Variants in MEI4 observed in about 807,000 individuals in gnomAD.
MEI4 encodes the protein meiosis-specific protein MEI4.
MEI4 carries 27 observed loss-of-function variants against 31.4 expected under a neutral mutation model. The ratio of observed to expected loss-of-function variants is 0.86; its 90% CI spans 0.63 to 1.19. The LOEUF is 1.19. Ranked by LOEUF, MEI4 falls within the 50% of genes most tolerant of loss-of-function variation. The pLI is 0.00. For missense variants in MEI4, 329 were observed against 398.9 expected (o/e 0.82, Z 1.49); for synonymous variants, 122 against 145.4 (o/e 0.84, Z 1.16).
At chr6:77,894,396 A>T (rs188477714) in intron 4 of MEI4, among the ~76,000 whole-genome samples, 1,520 of 150,860 alleles carry the variant, frequency 0.01, 23 homozygotes, top group African/African-American at 0.034. Flanking sequence ...TTTTTTTTTA[A>T]AAAAAAGAAA....
chr6:77,802,853 A>T (rs931202039), intron 3 of MEI4, among the ~76,000 whole-genome samples: 14 of 152,206 alleles, frequency 9.2e-5, no homozygotes, highest in Non-Finnish European at 1.8e-4. Context: ...TGTTAGTCTG[A>T]TGGGCTTCCT....
intron 4 of MEI4, among the ~76,000 whole-genome samples, chr6:77,919,446 C>A (rs1378272600): frequency 6.6e-6 from 1 of 151,904 alleles, no homozygotes; most frequent in South Asian, 2.1e-4. Context: ...TTCTTTGAAA[C>A]CAACGAGAAC....
chr6:77,789,638 A>T (rs1030682785), intron 3 of MEI4, among the ~76,000 whole-genome samples: 1 of 152,226 alleles, frequency 6.6e-6, no homozygotes, highest in Non-Finnish European at 1.5e-5. Context: ...TATGCAGCCA[A>T]AAGGCACATG....
intron 2 of MEI4, among the ~76,000 whole-genome samples, chr6:77,746,019 G>A (rs1767591646): frequency 1.3e-5 from 2 of 152,016 alleles, no homozygotes; most frequent in African/African-American, 4.8e-5. Flanking sequence ...GAGAAAGCAG[G>A]AAAGATCCAA....
intron 4 of MEI4, among the ~76,000 whole-genome samples, chr6:77,875,971 G>A (rs535260314): frequency 6.6e-6 from 1 of 152,096 alleles, no homozygotes; most frequent in African/African-American, 2.4e-5. Flanking sequence ...GGAATGTGAT[G>A]ATATAAATCA....
intron 4 of MEI4, among the ~76,000 whole-genome samples, chr6:77,909,567 T>C (rs1435476666): frequency 6.6e-6 from 1 of 152,132 alleles, no homozygotes; most frequent in East Asian, 1.9e-4. Context: ...CAATATTTAA[T>C]AGCTTACCAA....
At chr6:77,707,934 G>C (rs938271620) in intron 2 of MEI4, among the ~76,000 whole-genome samples, 1 of 152,234 alleles carries the variant, frequency 6.6e-6, no homozygotes, top group African/African-American at 2.4e-5. Flanking sequence ...CAAAGGATGT[G>C]TAGGAAAGCT....
At chr6:77,737,751 T>G (rs1172784742) in intron 2 of MEI4, among the ~76,000 whole-genome samples, 1 of 151,828 alleles carries the variant, frequency 6.6e-6, no homozygotes, top group Non-Finnish European at 1.5e-5. Flanking sequence ...AAGGGAGAGA[T>G]AGGATCAATA....
At chr6:77,905,045 A>T (rs1766262962) in intron 4 of MEI4, among the ~76,000 whole-genome samples, 1 of 152,074 alleles carries the variant, frequency 6.6e-6, no homozygotes, top group Admixed American at 6.6e-5. Context: ...TCTTACCTTA[A>T]ATAACTCCTT....
rs147023951 is a variant in MEI4 at position 77,703,983 on chromosome 6, A to G, written c.232+13080A>G. Among the ~76,000 whole-genome samples, 5 of 152,248 alleles carry G rather than the reference A, an allele frequency of 3.3e-5. No homozygotes were observed. The East Asian group carries it at 9.7e-4, about 29-fold the overall frequency. On this transcript the variant is annotated intron_variant, in intron 2 of 4. Coordinates refer to ENST00000684080, the MANE Select transcript of MEI4 (RefSeq NM_001322247.2). Reference sequence around the variant, plus strand: ...GGAAGGACAGCATGCTGGTACTTTGAGAAGGAACCAGCAGAGAGAGAAAAG... The same window carrying G: ...GGAAGGACAGCATGCTGGTACTTTGGGAAGGAACCAGCAGAGAGAGAAAAG...
At chr6:77,912,379 A>G (rs1336883129) in intron 4 of MEI4, among the ~76,000 whole-genome samples, 1 of 152,016 alleles carries the variant, frequency 6.6e-6, no homozygotes, top group African/African-American at 2.4e-5. Flanking sequence ...GGTATTTTAA[A>G]AAGGATTGTA....
intron 2 of MEI4, among the ~76,000 whole-genome samples, chr6:77,747,814 C>T (rs933242097): frequency 1.3e-5 from 2 of 152,204 alleles, no homozygotes; most frequent in African/African-American, 4.8e-5. Context: ...CAAGGCAAGT[C>T]CCTTTTACCT....
At chr6:77,816,315 G>A (rs1249324420) in intron 3 of MEI4, among the ~76,000 whole-genome samples, 3 of 152,134 alleles carry the variant, frequency 2.0e-5, no homozygotes, top group South Asian at 4.1e-4. Flanking sequence ...CTGTCAAAGT[G>A]TGTCATCAGT....
chr6:77,775,818 T>G (rs1768423778), intron 3 of MEI4, among the ~76,000 whole-genome samples: 1 of 152,170 alleles, frequency 6.6e-6, no homozygotes. Flanking sequence ...CCACCAGAAG[T>G]GTAAAACTGT....
intron 2 of MEI4, among the ~76,000 whole-genome samples, chr6:77,705,715 A>G (rs1004716063): frequency 6.6e-6 from 1 of 152,182 alleles, no homozygotes; most frequent in Non-Finnish European, 1.5e-5. Flanking sequence ...AAGGGGAATT[A>G]TTACATTTTT....
chr6:77,687,241 T>C (rs1048017212), intron 1 of MEI4, among the ~76,000 whole-genome samples: 4 of 152,130 alleles, frequency 2.6e-5, no homozygotes, highest in African/African-American at 9.7e-5. Flanking sequence ...TTTTATACTT[T>C]AAACTATTAA....
chr6:77,699,667 G>A (rs1450391630), intron 2 of MEI4, among the ~76,000 whole-genome samples: 4 of 152,158 alleles, frequency 2.6e-5, no homozygotes, highest in Non-Finnish European at 4.4e-5. Flanking sequence ...GCTTTTTGGA[G>A]TTTCCAGGTT....
intron 4 of MEI4, among the ~76,000 whole-genome samples, chr6:77,848,433 G>C (rs1770537876): frequency 1.3e-5 from 2 of 152,128 alleles, no homozygotes; most frequent in Non-Finnish European, 2.9e-5. Flanking sequence ...ACAGTTCCCT[G>C]ACATTTTGAT....
chr6:77,749,404 A>C (rs2170649), intron 2 of MEI4, among the ~76,000 whole-genome samples: 150,010 of 152,208 alleles, frequency 0.99, 73,928 homozygotes, highest in East Asian at 1. Context: ...CTAGAACAGC[A>C]AGTTTAGAGA....
Sources: gnomAD v4.1 joint callset for allele counts (sites outside exome capture counted in the v4.1 genomes callset) on GRCh38, gnomAD v4.1.1 for gene constraint, MANE v1.5 for transcripts, NCBI Gene and HGNC (gene_info 2026-07-23, HGNC 2026-07-21) for gene names.